Variants in C1QTNF3 observed in about 807,000 individuals in gnomAD.
C1QTNF3 encodes the protein complement C1q tumor necrosis factor-related protein 3.
A neutral mutation model predicts 32.6 loss-of-function variants in C1QTNF3; 26 were observed. The ratio of observed to expected loss-of-function variants is 0.80; its 90% confidence interval spans 0.58 to 1.11. The LOEUF is 1.11. C1QTNF3 is among the 50% of genes least tolerant of loss of function. The pLI, the probability that C1QTNF3 is intolerant of heterozygous loss-of-function variation, is 0.00. For synonymous variants in C1QTNF3, 155 were observed against 146.0 expected, an observed-to-expected ratio of 1.06 and a Z score of -0.44; for missense variants, 362 against 398.2, an observed-to-expected ratio of 0.91 and a Z score of 0.77.
At chr5:34,235,883 T>C in the C1QTNF3 span, among the ~76,000 whole-genome samples, 2 of 152,256 alleles carry the variant, frequency 1.3e-5, no homozygotes, top group African/African-American at 4.8e-5. Context: ...CTCAACAACA[T>C]ATAATATCTT....
chr5:34,053,648 C>T, the C1QTNF3 span, among the ~76,000 whole-genome samples: 1 of 152,302 alleles, frequency 6.6e-6, no homozygotes, highest in East Asian at 1.9e-4. Context: ...AATAACAGTA[C>T]AACAGGATTT....
At chr5:34,144,099 CA>C in the C1QTNF3 span, among the ~76,000 whole-genome samples, 25 of 148,660 alleles carry the variant, frequency 1.7e-4, no homozygotes, top group Admixed American at 2.0e-4. Flanking sequence ...AAAAGGACGA[CA>C]AAAAAAAAGA....
the C1QTNF3 span, chr5:34,200,925 C>A: frequency 6.6e-6 from 1 of 151,866 alleles, no homozygotes; most frequent in Non-Finnish European, 1.5e-5. Context: ...CTTCATCCTA[C>A]AGCCAAATCA....
the C1QTNF3 span, among the ~76,000 whole-genome samples, chr5:34,210,647 T>C: frequency 1.3e-5 from 2 of 152,020 alleles, no homozygotes. Flanking sequence ...GTTACTGCCA[T>C]TGGATAGAAG....
Position 34,035,685 on chromosome 5 carries a change from T to C in C1QTNF3, c.377A>G (p.Gln126Arg), listed in dbSNP as rs1331767122. 4 of 1,611,778 alleles carry C rather than the reference T, an allele frequency of 2.5e-6. No individual in the cohort carries two copies. Among genetic ancestry groups the C allele is most frequent in the Middle Eastern group, 1.7e-4 (1 of 6,032 alleles). The change falls in exon 2 of 6, where the codon CAA becomes CGA. Residue 126 changes from glutamine (Q) to arginine (R), a missense_variant. Coordinates refer to ENST00000382065, the MANE Select transcript of C1QTNF3 (RefSeq NM_181435.6). ...AGGGCCCGGTGGCCCAGGGGGGCCTTGGTAGCCTCGAAAGCTGTAGTCTCC... is the reference window on the plus strand; with the variant it reads ...AGGGCCCGGTGGCCCAGGGGGGCCTCGGTAGCCTCGAAAGCTGTAGTCTCC... ...CHGDYSFRGYQGPPGPPGPPG... is the reference protein window; with the variant it reads ...CHGDYSFRGYRGPPGPPGPPG...
At chr5:34,203,727 T>TA in the C1QTNF3 span, among the ~76,000 whole-genome samples, 1 of 149,064 alleles carries the variant, frequency 6.7e-6, no homozygotes, top group Non-Finnish European at 1.5e-5. Flanking sequence ...TGGAACGAAC[T>TA]AAAAAATGAT....
chr5:34,153,855 A>AAT, the C1QTNF3 span, among the ~76,000 whole-genome samples: 2 of 119,528 alleles, frequency 1.7e-5, no homozygotes, highest in African/African-American at 3.2e-5. Context: ...TTAGAGTATA[A>AAT]AAAAAAAAAA....
chr5:34,055,428 A>G, the C1QTNF3 span, among the ~76,000 whole-genome samples: 2 of 152,212 alleles, frequency 1.3e-5, no homozygotes, highest in African/African-American at 2.4e-5. Flanking sequence ...CACAACAAAC[A>G]CAATGACAAC....
Position 34,036,236 on chromosome 5 carries a change from G to A in C1QTNF3, c.304-478C>T, listed in dbSNP as rs185866510. Among the ~76,000 whole-genome samples, 383 of 152,272 alleles carry A rather than the reference G, an allele frequency of 2.5e-3. 1 individual carries two copies. The highest frequency in any genetic ancestry group is 8.6e-3 in the African/African-American group (359 of 41,556). On this transcript the variant is annotated intron_variant, in intron 1 of 5. Coordinates refer to ENST00000382065, the MANE Select transcript of C1QTNF3 (RefSeq NM_181435.6). The stretch of plus-strand genomic sequence containing the variant: ...ATCCATGATACTGAGTTAAGAGCTA[G>A]ATTAAGATCTCTTAGAAATTCTGAA...
intron 5 of C1QTNF3, among the ~76,000 whole-genome samples, chr5:34,021,339 C>CTAA (rs1754323060): frequency 1.3e-5 from 2 of 152,206 alleles, no homozygotes; most frequent in Non-Finnish European, 2.9e-5. Context: ...GAAGACAGAT[C>CTAA]TAATGCCTGT....
the C1QTNF3 span, among the ~76,000 whole-genome samples, chr5:34,209,806 ATC>A: frequency 6.6e-6 from 1 of 152,134 alleles, no homozygotes; most frequent in Non-Finnish European, 1.5e-5. Flanking sequence ...TAAAGTAAGA[ATC>A]TCTCTTAAAC....
upstream of C1QTNF3, among the ~76,000 whole-genome samples, chr5:34,046,370 T>C (rs1754986109): frequency 1.3e-5 from 2 of 152,170 alleles, no homozygotes; most frequent in African/African-American, 4.8e-5. Context: ...GGTGATCAAC[T>C]TAAGATGAGG....
the C1QTNF3 span, among the ~76,000 whole-genome samples, chr5:34,067,537 G>C: frequency 6.6e-6 from 1 of 152,130 alleles, no homozygotes; most frequent in African/African-American, 2.4e-5. Context: ...CTTGTGCAGG[G>C]GAATTCATCT....
chr5:34,061,274 C>T, the C1QTNF3 span, among the ~76,000 whole-genome samples: 2 of 152,210 alleles, frequency 1.3e-5, no homozygotes, highest in African/African-American at 4.8e-5. Context: ...CAGGGTACAG[C>T]CTCCTTCACA....
chr5:34,150,252 A>G, the C1QTNF3 span, among the ~76,000 whole-genome samples: 2 of 80,770 alleles, frequency 2.5e-5, no homozygotes, highest in African/African-American at 1.2e-4. Flanking sequence ...CCACACATTA[A>G]TAATGGGAGA....
At chr5:34,117,505 T>C in the C1QTNF3 span, among the ~76,000 whole-genome samples, 9 of 152,140 alleles carry the variant, frequency 5.9e-5, no homozygotes, top group African/African-American at 1.9e-4. Flanking sequence ...TCTGGAGATC[T>C]GATACAAGGG....
the C1QTNF3 span, among the ~76,000 whole-genome samples, chr5:34,083,269 A>C: frequency 6.6e-6 from 1 of 151,650 alleles, no homozygotes; most frequent in Non-Finnish European, 1.5e-5. Flanking sequence ...TAGACAGAAT[A>C]ATCTGCCTTG....
At chr5:34,207,046 T>C in the C1QTNF3 span, among the ~76,000 whole-genome samples, 4 of 152,216 alleles carry the variant, frequency 2.6e-5, no homozygotes, top group African/African-American at 9.6e-5. Flanking sequence ...AATGTCTCTC[T>C]TTATTGAGCT....
At chr5:34,145,422 C>G in the C1QTNF3 span, among the ~76,000 whole-genome samples, 2 of 151,682 alleles carry the variant, frequency 1.3e-5, no homozygotes, top group African/African-American at 4.8e-5. Context: ...CAGATAATAC[C>G]TCAGAATTGA....
Sources: allele counts gnomAD v4.1 joint callset (sites outside exome capture counted in the v4.1 genomes callset), GRCh38; gene constraint gnomAD v4.1.1; transcripts MANE v1.5; gene names NCBI Gene and HGNC (gene_info 2026-07-23, HGNC 2026-07-21).